BRWD3: variants seen among roughly 807,000 people sequenced by gnomAD.
BRWD3 encodes the protein bromodomain and WD repeat-containing protein 3.
Under a neutral mutation model 149.7 loss-of-function variants are expected in BRWD3, and 10 were observed. The observed-to-expected ratio is 0.07, with a 90% CI of 0.04 to 0.11. The LOEUF (loss-of-function observed/expected upper bound fraction) is 0.11, where lower values mean the gene tolerates loss of function less well. BRWD3 is among the 10% of genes least tolerant of loss of function. The pLI, the probability that BRWD3 is intolerant of heterozygous loss-of-function variation, is 1.00. For missense variants in BRWD3, 940 were observed against 1,373.2 expected, an observed-to-expected ratio of 0.68 and a Z score of 4.99; for synonymous variants, 504 against 456.7, an observed-to-expected ratio of 1.10 and a Z score of -1.32.
intron 28 of BRWD3, 135 bp from the exon 29 acceptor site, chrX:80,692,285 G>A (rs759768043): frequency 7.2e-5 from 38 of 531,217 alleles, no homozygotes; most frequent in Middle Eastern, 5.7e-4. Context: ...GTACAACTCC[G>A]GTTACATACA....
chrX:80,808,851 G>C (rs932509863), intron 3 of BRWD3, among the ~76,000 whole-genome samples, 162 bp downstream of exon 3: 9 of 107,231 alleles, frequency 8.4e-5, no homozygotes, highest in Admixed American at 2.0e-4. Flanking sequence ...CCCCAGCGTT[G>C]TCTGCCCCTT....
intron 6 of BRWD3, among the ~76,000 whole-genome samples, chrX:80,771,283 G>A (rs909733838): frequency 9.9e-5 from 11 of 111,341 alleles, no homozygotes; most frequent in African/African-American, 3.3e-4. Flanking sequence ...AAAAGAGCCC[G>A]CAATGCCAAG....
rs1602370078 is a variant in BRWD3 at position 80,734,222 on chromosome X, G to A, written c.986-4C>T. The A allele has an allele frequency of 8.8e-7, 1 of 1,132,471 alleles. No individual in the cohort carries two copies. The highest frequency in any genetic ancestry group is 1.8e-5 in the African/African-American group (1 of 55,468). The allele number at this position is 1,132,471 out of a possible 1,213,427, so 93.3% of individuals were successfully genotyped here. A position where few individuals can be genotyped will look rare whatever the true frequency, so the allele number is the denominator to read the frequency against. On this transcript the variant is annotated splice_region_variant and splice_polypyrimidine_tract_variant and intron_variant, in intron 10 of 40. Coordinates refer to ENST00000373275, the MANE Select transcript of BRWD3 (RefSeq NM_153252.5). ...CCAGTTGTAATGAACATACCACCTA[G>A]AAGATTAAAAAACAAAACAAAACAT...
At chrX:80,706,550 C>A (rs1404526941) in intron 22 of BRWD3, among the ~76,000 whole-genome samples, 1 of 111,864 alleles carries the variant, frequency 8.9e-6, no homozygotes, top group Non-Finnish European at 1.9e-5. Flanking sequence ...TCAATATCAC[C>A]GTCTTCCATC....
chrX:80,789,646 G>A (rs1177663894), intron 6 of BRWD3, among the ~76,000 whole-genome samples: 4 of 110,721 alleles, frequency 3.6e-5, no homozygotes, highest in Non-Finnish European at 7.6e-5. Flanking sequence ...AAAGTGCTGG[G>A]ATTACAGGCG....
At chrX:80,711,005 GAA>G (rs765553550) in intron 20 of BRWD3, among the ~76,000 whole-genome samples, 1 of 104,454 alleles carries the variant, frequency 9.6e-6, no homozygotes, top group African/African-American at 3.5e-5. Flanking sequence ...TTCACCTCCT[GAA>G]AAAAAAAAGA....
rs1602333762 is a variant in BRWD3 at position 80,710,105 on chromosome X, C to A, written c.2326-528G>T. The A allele has an allele frequency of 1.2e-5, 8 of 671,395 alleles. No individual in the cohort carries two copies. In the East Asian group the frequency reaches 2.0e-4, roughly 17 times the overall value. The allele number at this position is 671,395 out of a possible 1,213,427, so 55.3% of individuals were successfully genotyped here. ...GCTTGCAGCTCATCAGAAAAAAATT[C>A]TCCATATTGACAAACATATTGGTAT... On this transcript the variant is annotated intron_variant, in intron 20 of 40. Transcript: ENST00000373275.
intron 8 of BRWD3, 28 bp from the exon 9 acceptor site, chrX:80,736,116 T>A: frequency 1.2e-5 from 12 of 988,514 alleles, no homozygotes; most frequent in Non-Finnish European, 1.7e-5. Flanking sequence ...CTGATTCAAA[T>A]AAAAAGTTTT....
chrX:80,777,391 T>A (rs1270157169), intron 6 of BRWD3, among the ~76,000 whole-genome samples: 1 of 110,585 alleles, frequency 9.0e-6, no homozygotes, highest in Non-Finnish European at 1.9e-5. Flanking sequence ...TTAGTGGTAT[T>A]ATTATTATTT....
Position 80,671,013 on chromosome X carries a change from T to C in BRWD3, c.*5596A>G, listed in dbSNP as rs948829994. 5 of 111,246 alleles carry C rather than the reference T, an allele frequency of 4.5e-5. No homozygotes were observed. The highest frequency in any genetic ancestry group is 7.5e-5 in the Non-Finnish European group (4 of 53,075). 9.2% of individuals were successfully genotyped at this position (111,246 alleles called of 1,213,427 possible). ...CTGGGTAACTATATAGTTATGAATG[T>C]TCCTGTTAGAGCATTCAGATCATCT... On this transcript the variant is annotated 3_prime_UTR_variant, in exon 41 of 41. Coordinates refer to ENST00000373275, the MANE Select transcript of BRWD3 (RefSeq NM_153252.5).
At chrX:80,748,567 C>G (rs1168510026) in intron 6 of BRWD3, among the ~76,000 whole-genome samples, 1 of 112,053 alleles carries the variant, frequency 8.9e-6, no homozygotes, top group African/African-American at 3.2e-5. Context: ...AATCTCATTA[C>G]TTGTTATTTG....
At chrX:80,689,331 A>G (rs1358349732) in intron 33 of BRWD3, among the ~76,000 whole-genome samples, 3 of 111,834 alleles carry the variant, frequency 2.7e-5, no homozygotes, top group African/African-American at 9.7e-5. Context: ...AAATTTTCAG[A>G]AAGGAAATCG....
intron 27 of BRWD3, among the ~76,000 whole-genome samples, chrX:80,695,012 C>A (rs1306746844): frequency 9.0e-6 from 1 of 111,069 alleles, no homozygotes; most frequent in African/African-American, 3.3e-5. Flanking sequence ...AGTCTAATCC[C>A]TTCACATCCA....
At chrX:80,731,749 G>T (rs1202285959) in intron 12 of BRWD3, among the ~76,000 whole-genome samples, 1 of 108,296 alleles carries the variant, frequency 9.2e-6, no homozygotes, top group Non-Finnish European at 1.9e-5. Context: ...AAAAAAATTA[G>T]CCAGGCGTGG....
intron 6 of BRWD3, among the ~76,000 whole-genome samples, chrX:80,769,266 C>A (rs976691849): frequency 1.8e-5 from 2 of 111,533 alleles, no homozygotes; most frequent in Non-Finnish European, 3.8e-5. Flanking sequence ...CAGAACTCTC[C>A]ACCCCAAATC....
rs752571831 is a variant in BRWD3, at chrX:80,791,861, T to A, written c.423A>T (p.Pro141=). 5 of 1,194,683 alleles carry A rather than the reference T, an allele frequency of 4.2e-6. No homozygotes were observed. In the Admixed American group the frequency reaches 1.1e-4, roughly 26 times the overall value. The change falls in exon 6 of 41, where the codon CCA becomes CCT. Residue 141 remains proline (P), a synonymous_variant. Coordinates refer to ENST00000373275, the MANE Select transcript of BRWD3 (RefSeq NM_153252.5). ...PELPVNYVKP[P]NVVNITSARQ... ...CACAGGTATATTACTCACCCACATT[T>A]GGAGGTTTCACATAATTTACAGGTA...
At chrX:80,780,950 T>C (rs1267863235) in intron 6 of BRWD3, among the ~76,000 whole-genome samples, 2 of 111,992 alleles carry the variant, frequency 1.8e-5, no homozygotes, top group Non-Finnish European at 3.8e-5. Context: ...CCAAGTGAAT[T>C]CTGGCATGAA....
rs201688196 is a variant in BRWD3, at chrX:80,682,455, G to A, written c.4397+10C>T. 5 of 1,205,939 alleles carry A rather than the reference G, an allele frequency of 4.1e-6. No individual in the cohort carries two copies. The South Asian group carries it at 5.3e-5, about 13-fold the overall frequency. On this transcript the variant is annotated intron_variant, in intron 38 of 40. Transcript: ENST00000373275. The stretch of plus-strand genomic sequence containing the variant: ...TGAGAACAAAAAATGTTGCATCAAT[G>A]TAATGATACCTAGGTGCTCCACTAC...
intron 6 of BRWD3, among the ~76,000 whole-genome samples, chrX:80,766,129 C>T (rs4826027): frequency 0.05 from 5,520 of 111,315 alleles, 119 homozygotes; most frequent in Non-Finnish European, 0.07. Flanking sequence ...CCAATGAATC[C>T]GGTGGGCTTT....
Sources: gnomAD v4.1 joint callset for allele counts (sites outside exome capture counted in the v4.1 genomes callset) on GRCh38, gnomAD v4.1.1 for gene constraint, MANE v1.5 for transcripts, NCBI Gene and HGNC (gene_info 2026-07-23, HGNC 2026-07-21) for gene names.